The following CXADR variants were observed in gnomAD, a reference collection of about 807,000 sequenced individuals.
The protein encoded by CXADR is CXADR cell adhesion molecule.
In CXADR, 20 loss-of-function variants were observed where a neutral mutation model predicts 40.3. The observed-to-expected ratio is 0.50, with a 90% CI of 0.35 to 0.72. CXADR has a LOEUF of 0.72. CXADR is among the 30% of genes least tolerant of loss of function. The pLI, the probability that CXADR is intolerant of heterozygous loss-of-function variation, is 0.01. For missense variants in CXADR, 332 were observed against 449.1 expected (o/e 0.74, Z 2.36); for synonymous variants, 150 against 161.3 (o/e 0.93, Z 0.53).
At chr21:17,605,184 A>T in the CXADR span, 1 of 614,920 alleles carries the variant, frequency 1.6e-6, no homozygotes, top group Non-Finnish European at 2.6e-6. Context: ...GCAGCCTGAA[A>T]AAAAGATGGC....
At chr21:17,513,978 G>C (rs2060426186) in intron 1 of CXADR, among the ~76,000 whole-genome samples, 1 of 152,148 alleles carries the variant, frequency 6.6e-6, no homozygotes, top group African/African-American at 2.4e-5. Context: ...TTTGTCGACT[G>C]CTCCTTTCTC....
At chr21:17,627,016 C>G in the CXADR span, 1 of 152,122 alleles carries the variant, frequency 6.6e-6, no homozygotes, top group Non-Finnish European at 1.5e-5. Context: ...CTCCACTATC[C>G]CGTGAGAGAA....
downstream of CXADR, chr21:17,593,998 T>C (rs1601075735): frequency 7.0e-7 from 1 of 1,432,934 alleles, no homozygotes; most frequent in East Asian, 2.4e-5. Context: ...CCCATCTAAC[T>C]TCACTACTAT....
intron 1 of CXADR, among the ~76,000 whole-genome samples, chr21:17,541,716 G>T (rs537842977): frequency 6.7e-6 from 1 of 148,680 alleles, no homozygotes; most frequent in Non-Finnish European, 1.5e-5. Context: ...ATATGCATTT[G>T]TGTTTAAGTT....
the CXADR span, among the ~76,000 whole-genome samples, chr21:17,599,702 A>G: frequency 6.6e-6 from 1 of 151,050 alleles, no homozygotes; most frequent in African/African-American, 2.4e-5. Flanking sequence ...CTGGTCTTGA[A>G]CTCCTGACCT....
At position 17,575,179 on chromosome 21, in the gene CXADR, T is replaced by G. The variant is rs577902661; in HGVS notation, c.1017+9568T>G. On this transcript the variant is annotated intron_variant, in intron 7 of 7. Transcript: ENST00000400169. Reference sequence around the variant, plus strand: ...GGGAAGGCTTTTCTGTTTTTTGTTTTGTTTGGTTTTGTTTGGTTTTGTTGA... The same window carrying G: ...GGGAAGGCTTTTCTGTTTTTTGTTTGGTTTGGTTTTGTTTGGTTTTGTTGA... Among the ~76,000 whole-genome samples the G allele has an allele frequency of 1.2e-4, 18 of 149,286 alleles. No homozygotes were observed. In the South Asian group the frequency reaches 2.0e-3, roughly 16 times the overall value.
Position 17,566,715 on chromosome 21 carries a change from A to T in CXADR, c.*1023A>T, listed in dbSNP as rs2061213439. On this transcript the variant is annotated 3_prime_UTR_variant, in exon 7 of 7. Coordinates refer to ENST00000284878, the MANE Select transcript of CXADR (RefSeq NM_001338.5). ...CATATTATATGTTCTAGAAACATGTAATCCTAAATTTACCCTCTTGAATAT... is the reference window on the plus strand; with the variant it reads ...CATATTATATGTTCTAGAAACATGTTATCCTAAATTTACCCTCTTGAATAT... 2 of 971,658 alleles carry T rather than the reference A, an allele frequency of 2.1e-6. No homozygotes were observed. Among genetic ancestry groups the T allele is most frequent in the African/African-American group, 1.8e-5 (1 of 57,042 alleles). 60.2% of individuals were successfully genotyped at this position (971,658 alleles called of 1,614,324 possible). A position where few individuals can be genotyped will look rare whatever the true frequency, so the allele number is the denominator to read the frequency against.
chr21:17,532,008 C>T lies in CXADR; in HGVS notation c.44-15019C>T, dbSNP rs553869500. On this transcript the variant is annotated intron_variant, in intron 1 of 6. Transcript: ENST00000284878. ...CCAAGCTGGAATGCAGTGATGCAGT[C>T]ACAACTCACTGCAGCCTCGACCTCC... Among the ~76,000 whole-genome samples, 159 of 150,508 alleles carry T rather than the reference C, an allele frequency of 1.1e-3. 4 individuals are homozygous for T. The South Asian group carries it at 0.033, about 31-fold the overall frequency.
At chr21:17,635,985 G>C in the CXADR span, among the ~76,000 whole-genome samples, 1 of 152,142 alleles carries the variant, frequency 6.6e-6, no homozygotes, top group Non-Finnish European at 1.5e-5. Flanking sequence ...ATGTTTTATA[G>C]TTTTCAGTGT....
chr21:17,583,782 G>A (rs2061376589), intron 7 of CXADR, among the ~76,000 whole-genome samples: 1 of 152,174 alleles, frequency 6.6e-6, no homozygotes, highest in African/African-American at 2.4e-5. Flanking sequence ...CTATCCTAAT[G>A]ATCACATGGG....
intron 1 of CXADR, among the ~76,000 whole-genome samples, chr21:17,546,069 G>A (rs557306054): frequency 2.6e-5 from 4 of 152,260 alleles, no homozygotes; most frequent in African/African-American, 7.2e-5. Context: ...GTGAGCCACC[G>A]TGCCTGGCTG....
At chr21:17,523,185 C>A (rs570484251) in intron 1 of CXADR, among the ~76,000 whole-genome samples, 3 of 152,170 alleles carry the variant, frequency 2.0e-5, no homozygotes, top group Non-Finnish European at 2.9e-5. Context: ...TCAAGCATGC[C>A]GATACTGTCA....
intron 1 of CXADR, among the ~76,000 whole-genome samples, chr21:17,536,871 C>T (rs1425759643): frequency 2.0e-5 from 3 of 152,142 alleles, no homozygotes; most frequent in Admixed American, 6.5e-5. Context: ...ATTCTCCTGC[C>T]TCAGCCTCCC....
At chr21:17,563,960 A>AAAAAAAAAAAAAAAAAG (rs2061164338) in intron 6 of CXADR, among the ~76,000 whole-genome samples, 1 of 149,064 alleles carries the variant, frequency 6.7e-6, no homozygotes, top group Non-Finnish European at 1.5e-5. Flanking sequence ...AAAAAAAAAA[A>AAAAAAAAAAAAAAAAAG]AGGTATTGAT....
intron 1 of CXADR, among the ~76,000 whole-genome samples, chr21:17,514,513 T>G (rs2123083820): frequency 6.6e-6 from 1 of 152,076 alleles, no homozygotes; most frequent in African/African-American, 2.4e-5. Context: ...TTTTCTTTTT[T>G]TTGTCTAGGC....
At chr21:17,553,906 C>G (rs1486255297) in intron 3 of CXADR, among the ~76,000 whole-genome samples, 1 of 152,114 alleles carries the variant, frequency 6.6e-6, no homozygotes, top group Non-Finnish European at 1.5e-5. Flanking sequence ...TGTGAGCCAC[C>G]GCACCCAGCT....
In CXADR at chr21:17,569,995, C is replaced by A. The variant is rs1341650910; in HGVS notation, c.*4303C>A. ...ATGTACGATTTCTGGCTTATATATC[C>A]AATGGTGCAGATTTTGAAATTTGTA... On this transcript the variant is annotated 3_prime_UTR_variant, in exon 7 of 7. Transcript: ENST00000284878. The A allele has an allele frequency of 1.0e-6, 1 of 985,186 alleles. No homozygotes were observed. The highest frequency in any genetic ancestry group is 1.7e-5 in the African/African-American group (1 of 57,196). The allele number at this position is 985,186 out of a possible 1,614,324, so 61.0% of individuals were successfully genotyped here.
Position 17,541,189 on chromosome 21 carries a change from G to A in CXADR, c.44-5838G>A, listed in dbSNP as rs192222063. Among the ~76,000 whole-genome samples the A allele has an allele frequency of 3.4e-3, 519 of 152,094 alleles. 5 individuals carry two copies. The highest frequency in any genetic ancestry group is 3.2e-3 in the Non-Finnish European group (221 of 68,008). ...TCACTCTTGGTTTTGTACATTCTAC[G>A]GGTTTGGACAAATGGATGACATGCA... On this transcript the variant is annotated intron_variant, in intron 1 of 6. Coordinates refer to ENST00000284878, the MANE Select transcript of CXADR (RefSeq NM_001338.5).
chr21:17,524,167 T>C (rs1049737057), intron 1 of CXADR, among the ~76,000 whole-genome samples: 2 of 151,924 alleles, frequency 1.3e-5, no homozygotes, highest in Non-Finnish European at 2.9e-5. Flanking sequence ...GTGCTGGGAT[T>C]ACACGTGTGA....
Sources: allele counts gnomAD v4.1 joint callset (sites outside exome capture counted in the v4.1 genomes callset), GRCh38; gene constraint gnomAD v4.1.1; transcripts MANE v1.5; gene names NCBI Gene and HGNC (gene_info 2026-07-23, HGNC 2026-07-21).